KANK1: variants seen among roughly 807,000 people sequenced by gnomAD.
KANK1 encodes KN motif and ankyrin repeat domain-containing protein 1.
KANK1 carries 109 observed loss-of-function variants against 106.2 expected under a neutral mutation model. That is an observed-to-expected ratio of 1.03 (90% CI 0.88 to 1.20). The LOEUF is 1.20. Ranked by LOEUF, KANK1 falls within the 50% of genes most tolerant of loss-of-function variation. KANK1 has a pLI of 0.00. For synonymous variants in KANK1, 873 were observed against 652.2 expected, an observed-to-expected ratio of 1.34 and a Z score of -5.16; for missense variants, 2,399 against 1,710.7, an observed-to-expected ratio of 1.40 and a Z score of -7.10.
chr9:598,509 A>G (rs1313095582), intron 1 of KANK1, among the ~76,000 whole-genome samples: 1 of 148,790 alleles, frequency 6.7e-6, no homozygotes, highest in Non-Finnish European at 1.5e-5. Context: ...ATGTATTTCC[A>G]TTTATTTAGG....
intron 1 of KANK1, among the ~76,000 whole-genome samples, chr9:652,788 C>T (rs7044387): frequency 0.18 from 27,664 of 152,138 alleles, 2,783 homozygotes; most frequent in East Asian, 0.32. Flanking sequence ...AGTAGAATTA[C>T]GGCTGATTTT....
At chr9:623,764 G>A (rs1030994047) in intron 1 of KANK1, among the ~76,000 whole-genome samples, 3 of 152,156 alleles carry the variant, frequency 2.0e-5, no homozygotes, top group Admixed American at 6.5e-5. Context: ...CAAGGATATG[G>A]AGGAAAGGGA....
At chr9:475,487 C>G (rs2058086890) in intron 3 of KANK1, among the ~76,000 whole-genome samples, 2 of 152,176 alleles carry the variant, frequency 1.3e-5, no homozygotes, top group African/African-American at 2.4e-5. Flanking sequence ...TGCTCTGAAG[C>G]TTTTTAATAA....
intron 2 of KANK1, among the ~76,000 whole-genome samples, chr9:710,356 G>A (rs1012605672): frequency 3.3e-5 from 5 of 152,030 alleles, no homozygotes; most frequent in South Asian, 2.1e-4. Context: ...AGTGGCTCAC[G>A]CCTGTAATCC....
intron 3 of KANK1, among the ~76,000 whole-genome samples, chr9:714,927 C>T (rs1470557949): frequency 6.6e-6 from 1 of 152,136 alleles, no homozygotes; most frequent in East Asian, 1.9e-4. Context: ...TCAGTGTGAC[C>T]TGGGAAAGAG....
intron 1 of KANK1, among the ~76,000 whole-genome samples, chr9:514,903 G>T (rs898774242): frequency 6.6e-6 from 1 of 151,712 alleles, no homozygotes; most frequent in African/African-American, 2.4e-5. Flanking sequence ...ATGAGTTTCA[G>T]TTGCACCACA....
intron 3 of KANK1, among the ~76,000 whole-genome samples, chr9:728,694 G>A (rs557202547): frequency 6.6e-6 from 1 of 152,162 alleles, no homozygotes; most frequent in African/African-American, 2.4e-5. Flanking sequence ...CATCTATGTA[G>A]ATGAAGCCTG....
At chr9:694,767 T>TA (rs1564001020) in intron 2 of KANK1, among the ~76,000 whole-genome samples, 1 of 151,970 alleles carries the variant, frequency 6.6e-6, no homozygotes, top group Non-Finnish European at 1.5e-5. Context: ...ATGCCCAGAG[T>TA]AGAATTGGCA....
At chr9:678,986 C>G (rs1255091311) in intron 2 of KANK1, among the ~76,000 whole-genome samples, 2 of 152,072 alleles carry the variant, frequency 1.3e-5, no homozygotes, top group Non-Finnish European at 2.9e-5. Context: ...AGATACCTAC[C>G]CCACTAATTC....
chr9:476,212 C>G (rs189993974), intron 3 of KANK1, among the ~76,000 whole-genome samples: 1 of 152,004 alleles, frequency 6.6e-6, no homozygotes, highest in African/African-American at 2.4e-5. Context: ...CAGTATTAGC[C>G]AAACATGAAC....
intron 3 of KANK1, among the ~76,000 whole-genome samples, chr9:727,440 C>G (rs144507441): frequency 1.3e-5 from 2 of 151,446 alleles, no homozygotes; most frequent in African/African-American, 4.8e-5. Context: ...CTCAGCCTCC[C>G]GAGCAGCTCT....
intron 2 of KANK1, among the ~76,000 whole-genome samples, chr9:471,218 C>T (rs748208839): frequency 1.2e-4 from 18 of 152,100 alleles, no homozygotes; most frequent in Non-Finnish European, 2.4e-4. Flanking sequence ...TCAGAGCTGG[C>T]GAAGCTGGGC....
chr9:504,643 C>T (rs1388014987), upstream of KANK1: 2 of 151,416 alleles, frequency 1.3e-5, no homozygotes, highest in Non-Finnish European at 2.9e-5. Flanking sequence ...GGCTTTAATT[C>T]TGGCGCTTGC....
At chr9:662,270 C>T (rs538884865) in intron 1 of KANK1, among the ~76,000 whole-genome samples, 2 of 152,272 alleles carry the variant, frequency 1.3e-5, no homozygotes, top group South Asian at 2.1e-4. Context: ...TTTATAGGTT[C>T]AGTGCCATCC....
chr9:745,004 G>C (rs1201853937), intron 11 of KANK1, 169 bp from the exon 12 acceptor site: 4 of 1,499,674 alleles, frequency 2.7e-6, no homozygotes, highest in Non-Finnish European at 3.6e-6. Flanking sequence ...GCTGAGCCCA[G>C]CTGGCCTTGG....
intron 1 of KANK1, among the ~76,000 whole-genome samples, chr9:591,271 A>G (rs186354871): frequency 6.6e-6 from 1 of 151,838 alleles, no homozygotes; most frequent in African/African-American, 2.4e-5. Flanking sequence ...ATTTAATTTT[A>G]GGTTGTCAAA....
intron 1 of KANK1, among the ~76,000 whole-genome samples, chr9:592,152 G>T (rs890594349): frequency 2.6e-5 from 4 of 151,732 alleles, no homozygotes; most frequent in Admixed American, 2.6e-4. Context: ...AAGAGGTTTT[G>T]CAAAAGCTTC....
At chr9:566,066 C>T (rs895740896) in intron 1 of KANK1, among the ~76,000 whole-genome samples, 1 of 152,138 alleles carries the variant, frequency 6.6e-6, no homozygotes, top group Non-Finnish European at 1.5e-5. Context: ...CCTCTATGTG[C>T]CCATGTGTTC....
At chr9:613,594 C>T (rs1271508744) in intron 1 of KANK1, among the ~76,000 whole-genome samples, 1 of 152,092 alleles carries the variant, frequency 6.6e-6, no homozygotes, top group Non-Finnish European at 1.5e-5. Context: ...AATTTGTTTA[C>T]ATTCTCCTGT....
Sources: allele counts gnomAD v4.1 joint callset (sites outside exome capture counted in the v4.1 genomes callset), GRCh38; gene constraint gnomAD v4.1.1; transcripts MANE v1.5; gene names NCBI Gene and HGNC (gene_info 2026-07-23, HGNC 2026-07-21).